PAPPA2: variants seen among roughly 807,000 people sequenced by gnomAD.
PAPPA2 encodes the protein pappalysin 2, also known as pappalysin-2.
In PAPPA2, 86 loss-of-function variants were observed where a neutral mutation model predicts 176.4. The ratio of observed to expected loss-of-function variants is 0.49; its 90% confidence interval spans 0.41 to 0.58. The LOEUF (loss-of-function observed/expected upper bound fraction) is 0.58. Among genes scored for constraint, PAPPA2 ranks in the 20% least tolerant of loss-of-function variants. PAPPA2 has a pLI of 0.00. For synonymous variants in PAPPA2, 809 were observed against 852.2 expected (o/e 0.95, Z 0.88); for missense variants, 2,073 against 2,256.9 (o/e 0.92, Z 1.65).
chr1:176,758,196 A>G (rs1441484430), intron 14 of PAPPA2, among the ~76,000 whole-genome samples: 6 of 152,180 alleles, frequency 3.9e-5, no homozygotes, highest in African/African-American at 1.2e-4. Flanking sequence ...AGAGGAGAAG[A>G]ACTTGAATTA....
intron 3 of PAPPA2, among the ~76,000 whole-genome samples, chr1:176,632,347 G>A (rs768972343): frequency 6.6e-6 from 1 of 151,924 alleles, no homozygotes; most frequent in African/African-American, 2.4e-5. Context: ...TGTATGTAAA[G>A]AGAATCAGAA....
chr1:176,839,355 T>A (rs1667394999), intron 21 of PAPPA2, among the ~76,000 whole-genome samples: 1 of 152,226 alleles, frequency 6.6e-6, no homozygotes. Flanking sequence ...CATTCTCTTT[T>A]GGGGTGAAAC....
chr1:176,776,537 G>A (rs574496161), intron 17 of PAPPA2, among the ~76,000 whole-genome samples: 2 of 152,168 alleles, frequency 1.3e-5, no homozygotes, highest in Admixed American at 6.5e-5. Flanking sequence ...TTTAACAAAT[G>A]TTTGGTTGGT....
intron 21 of PAPPA2, among the ~76,000 whole-genome samples, chr1:176,827,055 A>C (rs1269499946): frequency 6.6e-6 from 1 of 152,314 alleles, no homozygotes. Context: ...TTCTGCCCAT[A>C]TATGACCTTT....
At chr1:176,714,034 G>A (rs565546725) in intron 12 of PAPPA2, among the ~76,000 whole-genome samples, 1 of 152,208 alleles carries the variant, frequency 6.6e-6, no homozygotes, top group South Asian at 2.1e-4. Flanking sequence ...TCCCACCAAA[G>A]GACATAATGG....
At chr1:176,795,045 T>C (rs1210146381) in intron 20 of PAPPA2, among the ~76,000 whole-genome samples, 1 of 152,200 alleles carries the variant, frequency 6.6e-6, no homozygotes, top group Non-Finnish European at 1.5e-5. Context: ...CATGTCCTCA[T>C]GTGCCCAGAT....
rs1047922242 is a variant in PAPPA2, at chr1:176,730,857, A to AT, written c.3799-8764dup. On this transcript the variant is annotated intron_variant, in intron 12 of 22. Transcript: ENST00000367662. ...TTATAATTTCTTTTTAAAACCTTGG[A>AT]TTTTTAATAGCATTTTGTTTGTTTC... is the stretch of plus-strand genomic sequence containing the variant. 1.6e-4 allele frequency among the ~76,000 whole-genome samples: 25 copies of AT among 152,104 alleles called. 1 individual carries two copies. Among genetic ancestry groups the AT allele is most frequent in the Middle Eastern group, 6.8e-3 (2 of 292 alleles).
At chr1:176,766,678 C>A (rs931608722) in intron 15 of PAPPA2, among the ~76,000 whole-genome samples, 1 of 152,126 alleles carries the variant, frequency 6.6e-6, no homozygotes, top group South Asian at 2.1e-4. Context: ...CATGTATTCT[C>A]AACTAAGAAT....
At chr1:176,632,524 G>A (rs1164176890) in intron 3 of PAPPA2, among the ~76,000 whole-genome samples, 3 of 151,718 alleles carry the variant, frequency 2.0e-5, no homozygotes, top group Non-Finnish European at 4.4e-5. Flanking sequence ...GAGAAACTCC[G>A]TCTCAAAAAA....
At position 176,746,511 on chromosome 1, in the gene PAPPA2, A is replaced by G. The variant is rs1662915206; in HGVS notation, c.4151+6315A>G. On this transcript the variant is annotated intron_variant, in intron 14 of 22. Transcript: ENST00000367662. ...AAGCTCTGCCTCCCGGGTTCACACCATTCTCCTGCCTCAGCCTCCCAAGTA... is the reference window on the plus strand; with the variant it reads ...AAGCTCTGCCTCCCGGGTTCACACCGTTCTCCTGCCTCAGCCTCCCAAGTA... Among the ~76,000 whole-genome samples the G allele has an allele frequency of 3.3e-5, 5 of 152,128 alleles. No individual in the cohort carries two copies. The South Asian group carries it at 1.0e-3, about 32-fold the overall frequency.
chr1:176,820,283 T>C (rs749611753), intron 21 of PAPPA2, among the ~76,000 whole-genome samples: 5 of 152,206 alleles, frequency 3.3e-5, no homozygotes, highest in Non-Finnish European at 4.4e-5. Context: ...TGTTTTTCTA[T>C]TTAAGATCAG....
chr1:176,658,049 T>C (rs1370293953), intron 3 of PAPPA2, among the ~76,000 whole-genome samples: 1 of 152,034 alleles, frequency 6.6e-6, no homozygotes, highest in African/African-American at 2.4e-5. Flanking sequence ...AAAGGAATGA[T>C]ACTTGCCTTC....
chr1:176,481,876 T>C (rs977895990), intron 1 of PAPPA2, among the ~76,000 whole-genome samples: 2 of 151,818 alleles, frequency 1.3e-5, no homozygotes, highest in Non-Finnish European at 2.9e-5. Context: ...GGCTAAACTT[T>C]GTATTTTTTT....
chr1:176,498,847 C>T (rs931430212), intron 1 of PAPPA2, among the ~76,000 whole-genome samples: 2 of 152,018 alleles, frequency 1.3e-5, no homozygotes, highest in Non-Finnish European at 1.5e-5. Flanking sequence ...AGGAAAAATA[C>T]CAGGTAGCAT....
intron 14 of PAPPA2, among the ~76,000 whole-genome samples, chr1:176,759,124 C>T (rs377082616): frequency 3.9e-5 from 6 of 152,144 alleles, no homozygotes; most frequent in Non-Finnish European, 7.3e-5. Context: ...CAAAGCTATA[C>T]GCTAGATAAA....
intron 17 of PAPPA2, among the ~76,000 whole-genome samples, chr1:176,778,813 A>G (rs966846716): frequency 4.6e-5 from 7 of 152,190 alleles, no homozygotes; most frequent in Non-Finnish European, 8.8e-5. Flanking sequence ...GCCTGGCTTT[A>G]TAATTAGTGT....
rs1478347337 is a variant in PAPPA2 at position 176,594,986 on chromosome 1, A to G, written c.1382A>G (p.Glu461Gly). ...ATDLVLTASF[E>G]PVNTEWVPFR... is the part of the protein sequence containing the mutation. ...GACTTGGTCCTGACAGCGAGCTTTGAGCCTGTGAACACAGAGTGGGTTCCC... is the reference window on the plus strand; with the variant it reads ...GACTTGGTCCTGACAGCGAGCTTTGGGCCTGTGAACACAGAGTGGGTTCCC... Residue 461 changes from glutamate to glycine, a missense_variant, in exon 3 of 23, where the codon GAG (glutamate) becomes GGG (glycine). Physicochemically the swap from Glu to Gly is moderately conservative, Grantham distance 98. Coordinates refer to ENST00000367662, the MANE Select transcript of PAPPA2 (RefSeq NM_020318.3). 2.5e-6 allele frequency: 4 copies of G among 1,614,042 alleles called. No individual in the cohort carries two copies. The African/African-American group carries it at 4.0e-5, about 16-fold the overall frequency.
At chr1:176,812,569 C>A (rs1474866497) in intron 21 of PAPPA2, among the ~76,000 whole-genome samples, 3 of 152,114 alleles carry the variant, frequency 2.0e-5, no homozygotes, top group African/African-American at 7.2e-5. Context: ...GCTTATTTTA[C>A]AATTTACCAT....
intron 2 of PAPPA2, among the ~76,000 whole-genome samples, chr1:176,583,312 CGTT>C (rs991362004): frequency 1.8e-4 from 27 of 151,470 alleles, no homozygotes; most frequent in African/African-American, 6.3e-4. Context: ...TGCATTGTTA[CGTT>C]GTTGTTTTTT....
Sources: gnomAD v4.1 joint callset for allele counts (sites outside exome capture counted in the v4.1 genomes callset) on GRCh38, gnomAD v4.1.1 for gene constraint, MANE v1.5 for transcripts, NCBI Gene and HGNC (gene_info 2026-07-23, HGNC 2026-07-21) for gene names.